Variants in EML6 observed in about 807,000 individuals in gnomAD.
EML6 encodes the protein echinoderm microtubule-associated protein-like 6.
In EML6, 154 loss-of-function variants were observed where a neutral mutation model predicts 240.1. The ratio of observed to expected loss-of-function variants is 0.64; its 90% CI spans 0.56 to 0.73. EML6 has a LOEUF of 0.73. EML6 is among the 30% of genes least tolerant of loss of function. The pLI, the probability that EML6 is intolerant of heterozygous loss-of-function variation, is 0.00. For missense variants in EML6, 2,964 were observed against 2,474.6 expected, an observed-to-expected ratio of 1.20 and a Z score of -4.20; for synonymous variants, 1,148 against 899.0, an observed-to-expected ratio of 1.28 and a Z score of -4.95.
At chr2:54,810,554 A>C (rs1667783515) in intron 2 of EML6, among the ~76,000 whole-genome samples, 1 of 152,238 alleles carries the variant, frequency 6.6e-6, no homozygotes, top group Admixed American at 6.5e-5. Flanking sequence ...AGAAGCTGTG[A>C]TCACAGCAAA....
rs1027255505 is a variant in EML6, at chr2:54,827,840, A to C, written c.711+89A>C. 5.4e-6 allele frequency: 5 copies of C among 924,604 alleles called. No homozygotes were observed. In the African/African-American group the frequency reaches 8.3e-5, roughly 15 times the overall value. 57.3% of individuals were successfully genotyped at this position (924,604 alleles called of 1,614,324 possible). ...CCCTGTATGTTTCCCTTCTTGCTTT[A>C]GAATCAGAGAACCCTGCTGAACACT... On this transcript the variant is annotated intron_variant, in intron 6 of 41. Coordinates refer to ENST00000356458, the MANE Select transcript of EML6 (RefSeq NM_001039753.4).
rs1221215896 is a variant in EML6, at chr2:54,967,963, T to TCGGTTC, written c.5598-163_5598-158dup. On this transcript the variant is annotated intron_variant, in intron 39 of 41. Coordinates refer to ENST00000356458, the MANE Select transcript of EML6 (RefSeq NM_001039753.4). ...CCACTGCTCACCTCCTGCCCTGCGG[T>TCGGTTC]CGGTTCCTAACAGGCCATGGACCAG... Among the ~76,000 whole-genome samples the TCGGTTC allele has an allele frequency of 4.6e-5, 7 of 152,164 alleles. No individual in the cohort carries two copies. The East Asian group carries it at 1.4e-3, about 29-fold the overall frequency.
At chr2:54,958,021 T>TGAGAAGGG in intron 33 of EML6, 23 bp downstream of exon 33, 1 of 1,535,074 alleles carries the variant, frequency 6.5e-7, no homozygotes, top group Non-Finnish European at 8.8e-7. Context: ...AGATACTCCC[T>TGAGAAGGG]GAGAAGGGGA....
chr2:54,961,184 G>GTTTTGT (rs1676485268), intron 35 of EML6, among the ~76,000 whole-genome samples: 1 of 55,424 alleles, frequency 1.8e-5, no homozygotes, highest in Non-Finnish European at 3.2e-5. Context: ...TCAGGAAGTA[G>GTTTTGT]TTTTTTTTTT....
chr2:54,848,550 C>CACACACACAT (rs1416686192), intron 9 of EML6, among the ~76,000 whole-genome samples: 1 of 151,702 alleles, frequency 6.6e-6, no homozygotes, highest in African/African-American at 2.4e-5. Flanking sequence ...CACACACACA[C>CACACACACAT]ATAAATTTCC....
intron 8 of EML6, among the ~76,000 whole-genome samples, chr2:54,844,599 AT>A (rs1483062416): frequency 3.9e-5 from 6 of 152,154 alleles, no homozygotes; most frequent in Admixed American, 1.3e-4. Context: ...CTGCATGGAG[AT>A]TTTACAATTT....
At chr2:54,806,705 T>C (rs942591188) in intron 2 of EML6, among the ~76,000 whole-genome samples, 2 of 149,628 alleles carry the variant, frequency 1.3e-5, no homozygotes, top group Non-Finnish European at 3.0e-5. Flanking sequence ...TGGTGGTTAA[T>C]TAATAACAAT....
intron 28 of EML6, among the ~76,000 whole-genome samples, chr2:54,932,690 A>G (rs1674925076): frequency 1.3e-5 from 2 of 152,228 alleles, no homozygotes; most frequent in Non-Finnish European, 2.9e-5. Context: ...TTTAAGATAC[A>G]AAATGCTTAT....
At chr2:54,940,714 G>A (rs1236073674) in intron 28 of EML6, among the ~76,000 whole-genome samples, 1 of 152,196 alleles carries the variant, frequency 6.6e-6, no homozygotes, top group African/African-American at 2.4e-5. Context: ...AGCAACTATG[G>A]ATGGTCTTTG....
chr2:54,743,305 C>T (rs1036396584), intron 2 of EML6, among the ~76,000 whole-genome samples: 1 of 152,214 alleles, frequency 6.6e-6, no homozygotes, highest in African/African-American at 2.4e-5. Flanking sequence ...AGCAGAGCAC[C>T]TGGAGAAAAC....
intron 9 of EML6, among the ~76,000 whole-genome samples, chr2:54,848,606 A>T (rs760559060): frequency 6.6e-6 from 1 of 151,894 alleles, no homozygotes; most frequent in African/African-American, 2.4e-5. Flanking sequence ...TGCTATTAAT[A>T]AATGATAGCA....
rs552706261 is a variant in EML6 at position 54,760,787 on chromosome 2, A to G, written c.197+35529A>G. ...AAGATGGGAGGTGTACATGAGATCCATTCTCTCTCCCCATTGCTTTGAAGT... is the reference window on the plus strand; with the variant it reads ...AAGATGGGAGGTGTACATGAGATCCGTTCTCTCTCCCCATTGCTTTGAAGT... On this transcript the variant is annotated intron_variant, in intron 2 of 41. Coordinates refer to ENST00000356458, the MANE Select transcript of EML6 (RefSeq NM_001039753.4). 2.1e-4 allele frequency among the ~76,000 whole-genome samples: 31 copies of G among 147,284 alleles called. 1 individual carries two copies. Among genetic ancestry groups the G allele is most frequent in the African/African-American group, 7.7e-4 (30 of 39,198 alleles).
chr2:54,952,437 C>T (rs76510569), intron 30 of EML6, among the ~76,000 whole-genome samples, 157 bp from the exon 31 acceptor site: 3,114 of 152,252 alleles, frequency 0.02, 100 homozygotes, highest in African/African-American at 0.065. Flanking sequence ...AAAAACGACC[C>T]TTCATCTCCC....
intron 16 of EML6, 39 bp from the exon 17 acceptor site, chr2:54,879,508 C>A: frequency 1.4e-6 from 2 of 1,385,708 alleles, no homozygotes; most frequent in Non-Finnish European, 2.0e-6. Flanking sequence ...TTTGTTTTTT[C>A]ATGGAAGAAA....
intron 26 of EML6, among the ~76,000 whole-genome samples, chr2:54,927,700 C>T (rs1238164816): frequency 1.3e-5 from 2 of 152,150 alleles, no homozygotes; most frequent in Non-Finnish European, 2.9e-5. Flanking sequence ...CTCCAAAAAG[C>T]TTTTAGTCGT....
At chr2:54,739,413 G>C (rs1201002748) in intron 2 of EML6, among the ~76,000 whole-genome samples, 1 of 152,236 alleles carries the variant, frequency 6.6e-6, no homozygotes, top group African/African-American at 2.4e-5. Context: ...TGTGTTACAA[G>C]TTAGTGAAAA....
chr2:54,842,986 C>T (rs950674498), intron 7 of EML6, among the ~76,000 whole-genome samples: 14 of 152,164 alleles, frequency 9.2e-5, no homozygotes, highest in South Asian at 2.1e-4. Flanking sequence ...CTGTTTATTC[C>T]GTAGGATATA....
At chr2:54,843,358 A>C (rs1669563711) in intron 7 of EML6, among the ~76,000 whole-genome samples, 1 of 152,042 alleles carries the variant, frequency 6.6e-6, no homozygotes, top group South Asian at 2.1e-4. Context: ...GAGCCCCGGA[A>C]GTCGAGGCTT....
At chr2:54,805,926 T>C (rs1193871493) in intron 2 of EML6, among the ~76,000 whole-genome samples, 1 of 152,206 alleles carries the variant, frequency 6.6e-6, no homozygotes, top group Non-Finnish European at 1.5e-5. Flanking sequence ...TGATGAGTTA[T>C]CTTAACACTT....
Sources: gnomAD v4.1 joint callset for allele counts (sites outside exome capture counted in the v4.1 genomes callset) on GRCh38, gnomAD v4.1.1 for gene constraint, MANE v1.5 for transcripts, NCBI Gene and HGNC (gene_info 2026-07-23, HGNC 2026-07-21) for gene names.